KCNJ10: variants seen among roughly 807,000 people sequenced by gnomAD.
KCNJ10 encodes the protein ATP-sensitive inward rectifier potassium channel 10.
KCNJ10 carries 9 observed loss-of-function variants against 22.2 expected under a neutral mutation model. That is an observed-to-expected ratio of 0.40 (90% CI 0.24 to 0.71). The LOEUF (loss-of-function observed/expected upper bound fraction) is 0.71, where lower values mean the gene tolerates loss of function less well. Ranked by LOEUF, KCNJ10 falls within the 30% of genes least tolerant of loss-of-function variation. KCNJ10 has a pLI of 0.35. For missense variants in KCNJ10, 337 were observed against 482.7 expected (o/e 0.70, Z 2.83); for synonymous variants, 184 against 187.3 (o/e 0.98, Z 0.15).
At chr1:160,058,237 T>C (rs1459015370) in intron 1 of KCNJ10, among the ~76,000 whole-genome samples, 1 of 152,184 alleles carries the variant, frequency 6.6e-6, no homozygotes, top group African/African-American at 2.4e-5. Context: ...GAGCTTCCCA[T>C]TGAAGTTTCA....
In KCNJ10 at chr1:160,040,718, C is replaced by G. The variant is rs957139962; in HGVS notation, c.*675G>C. The stretch of plus-strand genomic sequence containing the variant: ...ATGTTTATGTTTCTTGGGCCAACTC[C>G]AATTCTCTGAGAACAGAGGCTATGA... On this transcript the variant is annotated 3_prime_UTR_variant, in exon 2 of 2. Coordinates refer to ENST00000644903, the MANE Select transcript of KCNJ10 (RefSeq NM_002241.5). 9 of 397,576 alleles carry G rather than the reference C, an allele frequency of 2.3e-5. No homozygotes were observed. Among genetic ancestry groups the G allele is most frequent in the Admixed American group, 1.7e-4 (4 of 23,118 alleles). The allele number at this position is 397,576 out of a possible 1,614,324, so 24.6% of individuals were successfully genotyped here.
chr1:160,043,133 G>A (rs536566912), intron 1 of KCNJ10, among the ~76,000 whole-genome samples: 103 of 152,100 alleles, frequency 6.8e-4, no homozygotes, highest in African/African-American at 2.4e-3. Flanking sequence ...GTGAGGGTGA[G>A]ACTAATGAGA....
intron 1 of KCNJ10, among the ~76,000 whole-genome samples, chr1:160,050,281 A>T (rs938294122): frequency 7.1e-6 from 1 of 139,880 alleles, no homozygotes; most frequent in Admixed American, 7.7e-5. Flanking sequence ...CTACAGGTGC[A>T]CACCACCACA....
intron 1 of KCNJ10, among the ~76,000 whole-genome samples, chr1:160,053,203 C>G (rs1021154492): frequency 3.3e-5 from 5 of 152,158 alleles, no homozygotes; most frequent in African/African-American, 1.2e-4. Flanking sequence ...CACTCCTCCC[C>G]CCGGCCTCGG....
chr1:160,046,035 A>G (rs1436019185), intron 1 of KCNJ10, among the ~76,000 whole-genome samples: 8 of 152,204 alleles, frequency 5.3e-5, no homozygotes. Flanking sequence ...ACTGTCTTGA[A>G]GATTCTGTCT....
chr1:160,044,574 C>T (rs187750840), intron 1 of KCNJ10, among the ~76,000 whole-genome samples: 75 of 152,224 alleles, frequency 4.9e-4, no homozygotes, highest in Non-Finnish European at 9.9e-4. Flanking sequence ...AATGAAGTAC[C>T]TTTCACAAAC....
chr1:160,065,493 A>G (rs1649303549), intron 1 of KCNJ10, among the ~76,000 whole-genome samples: 1 of 152,178 alleles, frequency 6.6e-6, no homozygotes, highest in South Asian at 2.1e-4. Flanking sequence ...ATCGCCATGC[A>G]TGGAGAACCC....
At chr1:160,069,031 T>G (rs979307614) in intron 1 of KCNJ10, among the ~76,000 whole-genome samples, 9 of 152,172 alleles carry the variant, frequency 5.9e-5, no homozygotes, top group African/African-American at 2.2e-4. Context: ...AGTCAGAATT[T>G]GTATTGGTAA....
intron 1 of KCNJ10, among the ~76,000 whole-genome samples, chr1:160,060,936 G>A (rs181532997): frequency 6.6e-5 from 10 of 152,306 alleles, no homozygotes; most frequent in Non-Finnish European, 1.3e-4. Context: ...TCCAGAGTTC[G>A]TAGCAGGAGT....
chr1:160,049,685 A>T (rs955555098), intron 1 of KCNJ10, among the ~76,000 whole-genome samples: 42 of 98,824 alleles, frequency 4.2e-4, no homozygotes, highest in African/African-American at 1.9e-3. Context: ...TTATATATAT[A>T]TATATATATA....
At chr1:160,067,379 G>T (rs1289011654) in intron 1 of KCNJ10, among the ~76,000 whole-genome samples, 1 of 152,248 alleles carries the variant, frequency 6.6e-6, no homozygotes, top group Non-Finnish European at 1.5e-5. Context: ...AACTCAGCCT[G>T]CTGGAGAGAC....
intron 1 of KCNJ10, among the ~76,000 whole-genome samples, chr1:160,065,633 T>C (rs1285086905): frequency 1.3e-5 from 2 of 152,058 alleles, no homozygotes; most frequent in Non-Finnish European, 2.9e-5. Context: ...GGGAGGAGCA[T>C]GGCTCAGAGA....
At chr1:160,047,628 C>T (rs185652623) in intron 1 of KCNJ10, among the ~76,000 whole-genome samples, 12 of 152,292 alleles carry the variant, frequency 7.9e-5, no homozygotes, top group Non-Finnish European at 1.2e-4. Context: ...CTCCCTTTGA[C>T]GCCTTCCCTG....
At chr1:160,050,554 A>G (rs1253661070) in intron 1 of KCNJ10, among the ~76,000 whole-genome samples, 3 of 152,186 alleles carry the variant, frequency 2.0e-5, no homozygotes, top group Non-Finnish European at 2.9e-5. Flanking sequence ...AATAAAGGAG[A>G]AAACTGTAAA....
chr1:160,049,675 T>TTATTTATTTATATA (rs1283511580), intron 1 of KCNJ10, among the ~76,000 whole-genome samples: 1 of 47,098 alleles, frequency 2.1e-5, no homozygotes, highest in African/African-American at 7.1e-5. Flanking sequence ...TTTTATTTAT[T>TTATTTATTTATATA]TATATATATA....
At chr1:160,065,557 A>G (rs961567617) in intron 1 of KCNJ10, among the ~76,000 whole-genome samples, 3 of 152,156 alleles carry the variant, frequency 2.0e-5, no homozygotes, top group South Asian at 2.1e-4. Context: ...AGAGAGGGAA[A>G]CAGGAGAATA....
At position 160,042,354 on chromosome 1, in the gene KCNJ10, A is replaced by G. The variant is rs759993423; in HGVS notation, c.179T>C (p.Ile60Thr). 1.9e-5 allele frequency: 31 copies of G among 1,613,210 alleles called. No homozygotes were observed. Among genetic ancestry groups the G allele is most frequent in the Non-Finnish European group, 2.4e-5 (28 of 1,179,340 alleles). The change falls in exon 2 of 2, where the codon ATT becomes ACT. Residue 60 changes from isoleucine (I) to threonine (T), a missense_variant. Ile to Thr is a moderately conservative substitution (Grantham distance 89). Coordinates refer to ENST00000644903, the MANE Select transcript of KCNJ10 (RefSeq NM_002241.5). ...AAGCTTGTAGCGCCACTGCATGTCA[A>G]TGAAGGTTGTCCACAGGTCCTTGAG... ...LYLKDLWTTF[I>T]DMQWRYKLLL...
At chr1:160,066,940 T>A (rs1649333960) in intron 1 of KCNJ10, among the ~76,000 whole-genome samples, 1 of 152,196 alleles carries the variant, frequency 6.6e-6, no homozygotes, top group South Asian at 2.1e-4. Flanking sequence ...TTTTCTAGGA[T>A]GTGCTTCCTG....
rs1648584750 is a variant in KCNJ10, at chr1:160,040,938, A to C, written c.*455T>G. The stretch of plus-strand genomic sequence containing the variant: ...CAGATTCCTGTATTTCTGAAAGCAC[A>C]GACCACAAAGTGACCATCAGAGAGA... On this transcript the variant is annotated 3_prime_UTR_variant, in exon 2 of 2. Coordinates refer to ENST00000644903, the MANE Select transcript of KCNJ10 (RefSeq NM_002241.5). 1 of 299,142 alleles carries C rather than the reference A, an allele frequency of 3.3e-6. No homozygotes were observed. The highest frequency in any genetic ancestry group is 6.2e-6 in the Non-Finnish European group (1 of 160,760). The allele number at this position is 299,142 out of a possible 1,614,324, so 18.5% of individuals were successfully genotyped here. A position where few individuals can be genotyped will look rare whatever the true frequency, so the allele number is the denominator to read the frequency against.
Sources: gnomAD v4.1 joint callset for allele counts (sites outside exome capture counted in the v4.1 genomes callset) on GRCh38, gnomAD v4.1.1 for gene constraint, MANE v1.5 for transcripts, NCBI Gene and HGNC (gene_info 2026-07-23, HGNC 2026-07-21) for gene names.